The following NKAIN3 variants were observed in gnomAD, a reference collection of about 807,000 sequenced individuals.
NKAIN3 encodes sodium/potassium-transporting ATPase subunit beta-1-interacting protein 3.
NKAIN3 carries 25 observed loss-of-function variants against 30.2 expected under a neutral mutation model. The observed-to-expected ratio is 0.83, with a 90% CI of 0.60 to 1.16. NKAIN3 has a LOEUF of 1.16. Among genes scored for constraint, NKAIN3 ranks in the 50% most tolerant of loss-of-function variants. The probability of loss-of-function intolerance (pLI) is 0.00; values close to 1 mark genes in which losing one functional copy is unlikely to be tolerated. For missense variants in NKAIN3, 225 were observed against 254.1 expected (o/e 0.89, Z 0.78); for synonymous variants, 91 against 89.6 (o/e 1.02, Z -0.09).
intron 4 of NKAIN3, among the ~76,000 whole-genome samples, chr8:62,846,209 A>C (rs1237221498): frequency 6.6e-6 from 1 of 152,200 alleles, no homozygotes; most frequent in Non-Finnish European, 1.5e-5. Context: ...TGCAAGAAAG[A>C]GGCATGAACT....
chr8:62,632,563 C>T (rs571966664), intron 3 of NKAIN3, among the ~76,000 whole-genome samples: 16 of 152,200 alleles, frequency 1.1e-4, no homozygotes, highest in African/African-American at 3.9e-4. Flanking sequence ...AGTGCAATGG[C>T]ATGATCTCGG....
chr8:62,657,552 G>A (rs994485153), intron 3 of NKAIN3, among the ~76,000 whole-genome samples: 3 of 152,128 alleles, frequency 2.0e-5, no homozygotes, highest in Non-Finnish European at 4.4e-5. Context: ...AGAAAAAAAA[G>A]AATAAAACTT....
intron 1 of NKAIN3, among the ~76,000 whole-genome samples, chr8:62,328,961 G>A (rs1220028949): frequency 6.6e-6 from 1 of 152,062 alleles, no homozygotes; most frequent in Admixed American, 6.6e-5. Context: ...AAGATAGGTA[G>A]TAAAAGATCG....
At chr8:62,943,784 T>C (rs1303473873) in intron 5 of NKAIN3, among the ~76,000 whole-genome samples, 4 of 148,070 alleles carry the variant, frequency 2.7e-5, no homozygotes, top group East Asian at 3.9e-4. Flanking sequence ...TGGTATAATA[T>C]ATTTTTATTT....
intron 4 of NKAIN3, among the ~76,000 whole-genome samples, chr8:62,883,794 C>T (rs527765196): frequency 9.2e-4 from 139 of 151,824 alleles, no homozygotes; most frequent in African/African-American, 3.3e-3. Flanking sequence ...ATTTAAATTG[C>T]TCTTCTTTTT....
chr8:62,856,931 G>A (rs1244616685), intron 4 of NKAIN3: 4 of 575,422 alleles, frequency 7.0e-6, no homozygotes, highest in Non-Finnish European at 1.3e-5. Context: ...TCTTTACTCT[G>A]AGATTCAAAC....
intron 3 of NKAIN3, among the ~76,000 whole-genome samples, chr8:62,725,954 T>G (rs1192989790): frequency 1.3e-5 from 2 of 152,130 alleles, no homozygotes; most frequent in Non-Finnish European, 2.9e-5. Flanking sequence ...TTTAACAACA[T>G]TGATTCTTCC....
At chr8:62,350,586 A>G (rs1478412082) in intron 1 of NKAIN3, among the ~76,000 whole-genome samples, 1 of 152,218 alleles carries the variant, frequency 6.6e-6, no homozygotes, top group Non-Finnish European at 1.5e-5. Flanking sequence ...TGGCACTGAA[A>G]TGTACACTAA....
intron 4 of NKAIN3, among the ~76,000 whole-genome samples, chr8:62,807,832 AATAC>A (rs1818351492): frequency 6.7e-6 from 1 of 150,232 alleles, no homozygotes; most frequent in African/African-American, 2.4e-5. Context: ...CTATATGATA[AATAC>A]ATACAATTTT....
At chr8:62,249,223 C>A in intron 1 of NKAIN3, 96 bp downstream of exon 1, 1 of 1,076,484 alleles carries the variant, frequency 9.3e-7, no homozygotes, top group East Asian at 3.0e-5. Flanking sequence ...CGGCAAGGGG[C>A]GAACGGGTGA....
intron 3 of NKAIN3, among the ~76,000 whole-genome samples, chr8:62,655,620 A>G (rs1812741573): frequency 6.6e-6 from 1 of 152,190 alleles, no homozygotes; most frequent in Non-Finnish European, 1.5e-5. Flanking sequence ...TCTAATTTAG[A>G]CAACTATGTT....
chr8:62,330,185 C>G (rs79454285), intron 1 of NKAIN3, among the ~76,000 whole-genome samples: 152 of 152,010 alleles, frequency 1.0e-3, no homozygotes, highest in African/African-American at 3.5e-3. Context: ...TTTCCAGGCC[C>G]TGGTTTCATG....
At position 62,968,706 on chromosome 8, in the gene NKAIN3, G is replaced by A. The variant is rs999082667; in HGVS notation, c.*3299G>A. 3.2e-4 allele frequency among the ~76,000 whole-genome samples: 49 copies of A among 152,172 alleles called. No homozygotes were observed. Among genetic ancestry groups the A allele is most frequent in the African/African-American group, 1.2e-3 (48 of 41,442 alleles). On this transcript the variant is annotated 3_prime_UTR_variant, in exon 7 of 7. Transcript: ENST00000623646. ...TGGAGCCACCTTAGCACTGAGTCTT[G>A]TAAACCTTGGCCAGCCCTTCCTCAG...
In NKAIN3 at chr8:62,370,385, T is replaced by G. The variant is rs1451266522; in HGVS notation, c.54+121258T>G. On this transcript the variant is annotated intron_variant, in intron 1 of 6. Coordinates refer to ENST00000623646, the MANE Select transcript of NKAIN3 (RefSeq NM_001304533.3). ...CGCGAAATGTAAACATTTAAAAATT[T>G]AACTCCTTAAACTTGCTTGAAGCTG... Among the ~76,000 whole-genome samples the G allele has an allele frequency of 2.0e-5, 3 of 151,940 alleles. No individual in the cohort carries two copies. The East Asian group carries it at 5.8e-4, about 29-fold the overall frequency.
chr8:62,474,295 C>T (rs891106942), intron 1 of NKAIN3: 7 of 152,208 alleles, frequency 4.6e-5, no homozygotes, highest in Non-Finnish European at 7.3e-5. Flanking sequence ...GAGGGACAAA[C>T]TCTTGGAGGT....
intron 5 of NKAIN3, among the ~76,000 whole-genome samples, chr8:62,938,937 G>A (rs186406507): frequency 2.0e-5 from 3 of 152,264 alleles, no homozygotes; most frequent in African/African-American, 4.8e-5. Flanking sequence ...TCAGAAGGTC[G>A]ATTATTAGGC....
intron 1 of NKAIN3, among the ~76,000 whole-genome samples, chr8:62,484,520 G>C (rs78611621): frequency 6.6e-6 from 1 of 152,140 alleles, no homozygotes; most frequent in African/African-American, 2.4e-5. Context: ...AGGGAGCATT[G>C]CATCTTGGTT....
rs183853798 is a variant in NKAIN3, at chr8:62,646,163, A to C, written c.273+56369A>C. 8.8e-4 allele frequency among the ~76,000 whole-genome samples: 132 copies of C among 150,512 alleles called. 3 individuals carry two copies. In the East Asian group the frequency reaches 0.024, roughly 27 times the overall value. Reference sequence around the variant, plus strand: ...GAAAAAAAAAAAAAAAAACAGATGCAGATGTTCTGCTGCCTGGACATCTCT... The same window carrying C: ...GAAAAAAAAAAAAAAAAACAGATGCCGATGTTCTGCTGCCTGGACATCTCT... On this transcript the variant is annotated intron_variant, in intron 3 of 6. Coordinates refer to ENST00000623646, the MANE Select transcript of NKAIN3 (RefSeq NM_001304533.3).
intron 1 of NKAIN3, among the ~76,000 whole-genome samples, chr8:62,358,258 T>TA: frequency 6.6e-6 from 1 of 150,726 alleles, no homozygotes; most frequent in African/African-American, 2.4e-5. Flanking sequence ...TTTTTTTTTT[T>TA]AGTACTCAAA....
Sources: gnomAD v4.1 joint callset for allele counts (sites outside exome capture counted in the v4.1 genomes callset) on GRCh38, gnomAD v4.1.1 for gene constraint, MANE v1.5 for transcripts, NCBI Gene and HGNC (gene_info 2026-07-23, HGNC 2026-07-21) for gene names.